The following F3 variants were observed in gnomAD, a reference collection of about 807,000 sequenced individuals.
F3 encodes coagulation factor III, tissue factor.
Under a neutral mutation model 33.5 loss-of-function variants are expected in F3, and 18 were observed. That is an observed-to-expected ratio of 0.54 (90% CI 0.37 to 0.80). The LOEUF is 0.80. Ranked by LOEUF, F3 falls within the 30% of genes least tolerant of loss-of-function variation. The probability of loss-of-function intolerance (pLI) is 0.00; values close to 1 mark genes in which losing one functional copy is unlikely to be tolerated. For synonymous variants in F3, 147 were observed against 140.7 expected (o/e 1.05, Z -0.32); for missense variants, 353 against 362.1 (o/e 0.97, Z 0.20).
intron 2 of F3, among the ~76,000 whole-genome samples, chr1:94,537,818 G>T (rs190432680): frequency 6.6e-6 from 1 of 152,004 alleles, no homozygotes; most frequent in Non-Finnish European, 1.5e-5. Flanking sequence ...TTTTGTTCCC[G>T]AATGACCAAA....
intron 2 of F3, 127 bp downstream of exon 2, chr1:94,540,130 G>T: frequency 1.4e-6 from 1 of 710,238 alleles, no homozygotes; most frequent in Non-Finnish European, 2.4e-6. Flanking sequence ...GAATTGCCAA[G>T]AATCCCTTCT....
At position 94,540,267 on chromosome 1, in the gene F3, C is replaced by G. The variant is rs1450341756; in HGVS notation, c.202G>C (p.Val68Leu). 1 of 1,608,144 alleles carries G rather than the reference C, an allele frequency of 6.2e-7. No homozygotes were observed. The highest frequency in any genetic ancestry group is 1.3e-5 in the African/African-American group (1 of 74,872). ...EPKPVNQVYTVQISTKSGDWK... is the reference protein window; with the variant it reads ...EPKPVNQVYTLQISTKSGDWK... ...CTGTACCCAGCTTACCTTATTTGAA[C>G]AGTGTAGACTTGATTGACGGGTTTG... Residue 68 changes from valine to leucine, a missense_variant, in exon 2 of 6, where the codon GTT becomes CTT. Val to Leu is a conservative substitution (Grantham distance 32). Transcript: ENST00000334047.
rs1388901108 is a variant in F3, at chr1:94,540,316, G to A, written c.153C>T (p.Phe51=). The A allele has an allele frequency of 6.2e-7, 1 of 1,614,040 alleles. No individual in the cohort carries two copies. The highest frequency in any genetic ancestry group is 1.1e-5 in the South Asian group (1 of 91,074). The change falls in exon 2 of 6, where the codon TTC becomes TTT. Residue 51 remains phenylalanine (F), a synonymous_variant. Coordinates refer to ENST00000334047, the MANE Select transcript of F3 (RefSeq NM_001993.5). ...TGGGTTCCCACTCCAAAATTGTCTT[G>A]AAATTAGTTGATTTCCAAGTTAAAT... is the stretch of plus-strand genomic sequence containing the variant. The part of the protein sequence containing the change: ...AYNLTWKSTN[F]KTILEWEPKP...
intron 2 of F3, among the ~76,000 whole-genome samples, chr1:94,536,943 T>C (rs991054700): frequency 6.6e-6 from 1 of 152,180 alleles, no homozygotes; most frequent in South Asian, 2.1e-4. Context: ...CAAGAAGGTG[T>C]TGGATCTTTC....
chr1:94,531,610 C>G (rs763397191), intron 5 of F3, among the ~76,000 whole-genome samples: 4 of 152,102 alleles, frequency 2.6e-5, no homozygotes, highest in Non-Finnish European at 4.4e-5. Flanking sequence ...CGTAAGCCAT[C>G]GTTTATATCC....
At position 94,541,574 on chromosome 1, in the gene F3, C is replaced by A; in HGVS notation, c.63G>T (p.Leu21=). The stretch of plus-strand genomic sequence containing the variant: ...CCACCTGGGCGAAGACCCAGCCGAG[C>A]AGGAGCGTCCGAGCGACGGCGGTCT... ...RPETAVARTL[L]LGWVFAQVAG... The change falls in exon 1 of 6, where the codon CTG becomes CTT. Residue 21 remains leucine (L), a synonymous_variant. Transcript: ENST00000334047. 1 of 1,489,108 alleles carries A rather than the reference C, an allele frequency of 6.7e-7. No homozygotes were observed. The highest frequency in any genetic ancestry group is 1.3e-5 in the South Asian group (1 of 76,460). 92.2% of individuals were successfully genotyped at this position (1,489,108 alleles called of 1,614,324 possible). A position where few individuals can be genotyped will look rare whatever the true frequency, so the allele number is the denominator to read the frequency against.
Position 94,533,221 on chromosome 1 carries a change from T to C in F3, c.460A>G (p.Lys154Glu), listed in dbSNP as rs748497513. The C allele has an allele frequency of 6.2e-7, 1 of 1,613,848 alleles. No individual in the cohort carries two copies. Among genetic ancestry groups the C allele is most frequent in the Non-Finnish European group, 8.5e-7 (1 of 1,179,966 alleles). ...TIQSFEQVGT[K>E]VNVTVEDERT... ...TCATCTTCTACGGTCACATTCACTTTTGTTCCCACCTGTTCAAAACTCTGA... is the reference window on the plus strand; with the variant it reads ...TCATCTTCTACGGTCACATTCACTTCTGTTCCCACCTGTTCAAAACTCTGA... Residue 154 changes from lysine (K) to glutamate (E), a missense_variant, in exon 4 of 6, where the codon AAA becomes GAA. Physicochemically the swap from Lys to Glu is moderately conservative, Grantham distance 56. Coordinates refer to ENST00000334047, the MANE Select transcript of F3 (RefSeq NM_001993.5).
chr1:94,530,585 T>G lies in F3; in HGVS notation c.763A>C (p.Ile255Leu), dbSNP rs1259094531. The change falls in exon 6 of 6, where the codon ATC (isoleucine) becomes CTC (leucine). Residue 255 changes from isoleucine (I) to leucine (L), a missense_variant. By Grantham distance (5) the Ile-to-Leu change is conservative. Coordinates refer to ENST00000334047, the MANE Select transcript of F3 (RefSeq NM_001993.5). The stretch of plus-strand genomic sequence containing the variant: ...ACCACAAATACCACAGCTCCAATGA[T>G]GTAGAATATTTCTGAAAAATAAAGG... ...EKGEFREIFYIIGAVVFVVII... is the reference protein window; with the variant it reads ...EKGEFREIFYLIGAVVFVVII... 6.2e-7 allele frequency: 1 copy of G among 1,613,906 alleles called. No homozygotes were observed. Among genetic ancestry groups the G allele is most frequent in the Non-Finnish European group, 8.5e-7 (1 of 1,180,000 alleles).
At chr1:94,534,192 A>T (rs1651524085) in intron 3 of F3, among the ~76,000 whole-genome samples, 1 of 152,168 alleles carries the variant, frequency 6.6e-6, no homozygotes, top group African/African-American at 2.4e-5. Context: ...TTTCTTAATA[A>T]CATTTTCTTT....
In F3 at chr1:94,540,356, G is replaced by A. The variant is rs752052573; in HGVS notation, c.113C>T (p.Thr38Ile). 2 of 1,612,146 alleles carry A rather than the reference G, an allele frequency of 1.2e-6. No homozygotes were observed. Among genetic ancestry groups the A allele is most frequent in the Non-Finnish European group, 1.7e-6 (2 of 1,178,558 alleles). ...CCAAGTTAAATTATATGCTGCCACA[G>A]TATTTGTAGTGCCTTTAAACAACAG... ...QVAGASGTTN[T>I]VAAYNLTWKS... Residue 38 changes from threonine to isoleucine, a missense_variant, in exon 2 of 6, where the codon ACT becomes ATT. Thr to Ile is a moderately conservative substitution (Grantham distance 89). Transcript: ENST00000334047.
At position 94,529,935 on chromosome 1, in the gene F3, C is replaced by T. The variant is rs841692; in HGVS notation, c.*525G>A. On this transcript the variant is annotated 3_prime_UTR_variant, in exon 6 of 6. Coordinates refer to ENST00000334047, the MANE Select transcript of F3 (RefSeq NM_001993.5). ...CTAAAAAATACAAAAATTAGCTTGG[C>T]GTGGTAGTGCGCACCTGTAATCCCA... The T allele has an allele frequency of 0.55, 83,118 of 152,122 alleles. 22,986 individuals carry two copies. Among genetic ancestry groups the T allele is most frequent in the East Asian group, 0.76 (3,900 of 5,148 alleles). 9.4% of individuals were successfully genotyped at this position (152,122 alleles called of 1,614,324 possible). A position where few individuals can be genotyped will look rare whatever the true frequency, so the allele number is the denominator to read the frequency against.
In F3 at chr1:94,541,542, G is replaced by A; in HGVS notation, c.95C>T (p.Ala32Val). The A allele has an allele frequency of 6.7e-7, 1 of 1,494,632 alleles. No homozygotes were observed. The allele number at this position is 1,494,632 out of a possible 1,614,324, so 92.6% of individuals were successfully genotyped here. ...CAGGGGCTGGTGCCACTCACCTGAA[G>A]CGCCGGCCACCTGGGCGAAGACCCA... is the stretch of plus-strand genomic sequence containing the variant. ...LGWVFAQVAGASGTTNTVAAY... is the reference protein window; with the variant it reads ...LGWVFAQVAGVSGTTNTVAAY... Residue 32 changes from alanine (A) to valine (V), a missense_variant, in exon 1 of 6, where the codon GCT becomes GTT. Physicochemically the swap from Ala to Val is moderately conservative, Grantham distance 64. Transcript: ENST00000334047.
Position 94,529,307 on chromosome 1 carries a change from G to C in F3, c.*1153C>G, listed in dbSNP as rs935924669. On this transcript the variant is annotated 3_prime_UTR_variant, in exon 6 of 6. Transcript: ENST00000334047. ...AAATAATAAATGGAAGATAGAATAA[G>C]TACAACAGTAACAATTCCCAGTCAC... 6.6e-6 allele frequency: 1 copy of C among 152,482 alleles called. No homozygotes were observed. Among genetic ancestry groups the C allele is most frequent in the Non-Finnish European group, 1.5e-5 (1 of 67,994 alleles). The allele number at this position is 152,482 out of a possible 1,614,324, so 9.4% of individuals were successfully genotyped here. A position where few individuals can be genotyped will look rare whatever the true frequency, so the allele number is the denominator to read the frequency against.
At chr1:94,540,060 G>A (rs866148703) in intron 2 of F3, among the ~76,000 whole-genome samples, 197 bp downstream of exon 2, 1 of 152,174 alleles carries the variant, frequency 6.6e-6, no homozygotes, top group South Asian at 2.1e-4. Context: ...CAATTAAAAT[G>A]TTCTATCAGT....
At chr1:94,535,867 A>T in intron 3 of F3, 98 bp downstream of exon 3, 1 of 1,129,000 alleles carries the variant, frequency 8.9e-7, no homozygotes, top group Non-Finnish European at 1.3e-6. Flanking sequence ...AAAAAAGAAT[A>T]AATATTTTTA....
At chr1:94,531,967 A>C (rs1651447174) in intron 5 of F3, among the ~76,000 whole-genome samples, 1 of 152,152 alleles carries the variant, frequency 6.6e-6, no homozygotes, top group Admixed American at 6.5e-5. Flanking sequence ...CAGAATTAGA[A>C]TTTAAGCATG....
At position 94,533,198 on chromosome 1, in the gene F3, ATCT is replaced by A. The variant is rs900107622; in HGVS notation, c.480_482del (p.Glu160del). Reference sequence around the variant, plus strand: ...TGTTCCTTCTGACTAAAGTCCGTTCATCTTCTACGGTCACATTCACTTTTGTTC... The same window carrying A: ...TGTTCCTTCTGACTAAAGTCCGTTCATCTACGGTCACATTCACTTTTGTTC... On this transcript the variant is annotated inframe_deletion, in exon 4 of 6. Coordinates refer to ENST00000334047, the MANE Select transcript of F3 (RefSeq NM_001993.5). 1.2e-6 allele frequency: 2 copies of A among 1,613,866 alleles called. No homozygotes were observed. Among genetic ancestry groups the A allele is most frequent in the African/African-American group, 2.7e-5 (2 of 74,926 alleles).
intron 2 of F3, 82 bp downstream of exon 2, chr1:94,540,175 T>G: frequency 1.1e-6 from 1 of 890,628 alleles, no homozygotes; most frequent in Non-Finnish European, 1.8e-6. Flanking sequence ...CATCCAGTAA[T>G]CAGCTTTAAA....
At position 94,530,180 on chromosome 1, in the gene F3, G is replaced by A. The variant is rs769256156; in HGVS notation, c.*280C>T. 1.5e-5 allele frequency: 4 copies of A among 259,912 alleles called. No homozygotes were observed. Among genetic ancestry groups the A allele is most frequent in the Non-Finnish European group, 2.9e-5 (4 of 138,058 alleles). 16.1% of individuals were successfully genotyped at this position (259,912 alleles called of 1,614,324 possible). On this transcript the variant is annotated 3_prime_UTR_variant, in exon 6 of 6. Coordinates refer to ENST00000334047, the MANE Select transcript of F3 (RefSeq NM_001993.5). ...GACGACCTGGTTACTCCTTGAGTGCGGAATATATAATCTAAAGCATGTTAT... is the reference window on the plus strand; with the variant it reads ...GACGACCTGGTTACTCCTTGAGTGCAGAATATATAATCTAAAGCATGTTAT...
Sources: gnomAD v4.1 joint callset for allele counts (sites outside exome capture counted in the v4.1 genomes callset) on GRCh38, gnomAD v4.1.1 for gene constraint, MANE v1.5 for transcripts, NCBI Gene and HGNC (gene_info 2026-07-23, HGNC 2026-07-21) for gene names.